Variants in STIM1 observed in about 807,000 individuals in gnomAD.
STIM1 encodes the protein stromal interaction molecule 1.
STIM1 carries 25 observed loss-of-function variants against 74.7 expected under a neutral mutation model. The observed-to-expected ratio is 0.33, with a 90% CI of 0.24 to 0.47. STIM1 has a LOEUF of 0.47. STIM1 is among the 20% of genes least tolerant of loss of function. The pLI, the probability that STIM1 is intolerant of heterozygous loss-of-function variation, is 1.00. For synonymous variants in STIM1, 328 were observed against 348.8 expected (o/e 0.94, Z 0.66); for missense variants, 728 against 920.8 (o/e 0.79, Z 2.71).
rs764751709 is a variant in STIM1, at chr11:4,074,689, T to G, written c.969+10T>G. The G allele has an allele frequency of 3.3e-5, 51 of 1,552,628 alleles. No homozygotes were observed. In the South Asian group the frequency reaches 5.5e-4, roughly 17 times the overall value. On this transcript the variant is annotated intron_variant, in intron 7 of 12. Transcript: ENST00000526596. The stretch of plus-strand genomic sequence containing the variant: ...GGAGGAGTTGGAGCAGGTAGGAGAG[T>G]CCACAAATTCCTGGACACCTTGACG...
chr11:3,902,661 C>A (rs574761646), intron 1 of STIM1, among the ~76,000 whole-genome samples: 6 of 152,336 alleles, frequency 3.9e-5, no homozygotes, highest in Non-Finnish European at 8.8e-5. Flanking sequence ...TGGTTCCTAA[C>A]AAGGCACGGA....
chr11:4,061,783 A>G (rs10835556), intron 5 of STIM1, among the ~76,000 whole-genome samples: 37,036 of 152,202 alleles, frequency 0.24, 5,611 homozygotes, highest in South Asian at 0.44. Flanking sequence ...ATTGTGGTGC[A>G]ATGGAATATT....
At chr11:3,927,900 G>T (rs2092807919) in intron 1 of STIM1, among the ~76,000 whole-genome samples, 2 of 152,200 alleles carry the variant, frequency 1.3e-5, no homozygotes, top group Non-Finnish European at 2.9e-5. Context: ...TAAGAACCCT[G>T]TGGATATAGC....
intron 1 of STIM1, among the ~76,000 whole-genome samples, chr11:3,898,982 C>G (rs10767691): frequency 6.7e-6 from 1 of 149,178 alleles, no homozygotes; most frequent in Non-Finnish European, 1.5e-5. Context: ...TGGCTTAGGA[C>G]TGACTTGGCG....
chr11:4,054,002 G>C (rs1470819034), intron 3 of STIM1, among the ~76,000 whole-genome samples: 8 of 152,328 alleles, frequency 5.3e-5, no homozygotes, highest in Admixed American at 1.3e-4. Context: ...GTAGGCACTA[G>C]CCACATCTAG....
At chr11:4,058,171 A>T (rs2094305472) in intron 4 of STIM1, among the ~76,000 whole-genome samples, 1 of 152,228 alleles carries the variant, frequency 6.6e-6, no homozygotes, top group African/African-American at 2.4e-5. Context: ...GGCTTGTAGG[A>T]AGCATCTGAT....
At chr11:3,997,034 G>C (rs1034228461) in intron 2 of STIM1, among the ~76,000 whole-genome samples, 3 of 152,192 alleles carry the variant, frequency 2.0e-5, no homozygotes, top group Non-Finnish European at 4.4e-5. Flanking sequence ...GGCTAGCTTG[G>C]ATACTTTGGT....
intron 3 of STIM1, among the ~76,000 whole-genome samples, chr11:4,030,056 G>A (rs751119469): frequency 3.9e-4 from 60 of 152,082 alleles, no homozygotes; most frequent in Non-Finnish European, 7.4e-4. Context: ...GGCCGGGTGC[G>A]GTGGCTCACG....
In STIM1 at chr11:4,037,560, G is replaced by A. The variant is rs564781678; in HGVS notation, c.385+13573G>A. Reference sequence around the variant, plus strand: ...TGCTTTATCCTTCGTGGTAATCTTTGCTCTGAAATCTACTTTGATAAAAAT... The same window carrying A: ...TGCTTTATCCTTCGTGGTAATCTTTACTCTGAAATCTACTTTGATAAAAAT... On this transcript the variant is annotated intron_variant, in intron 3 of 12. Coordinates refer to ENST00000526596, the MANE Select transcript of STIM1 (RefSeq NM_001382567.1). Among the ~76,000 whole-genome samples the A allele has an allele frequency of 2.6e-5, 4 of 152,238 alleles. No individual in the cohort carries two copies. In the East Asian group the frequency reaches 5.8e-4, roughly 22 times the overall value.
intron 3 of STIM1, among the ~76,000 whole-genome samples, chr11:4,034,802 G>T (rs937606992): frequency 6.6e-6 from 1 of 152,050 alleles, no homozygotes; most frequent in African/African-American, 2.4e-5. Flanking sequence ...ATAGGTATAA[G>T]GCTGTTCAGG....
chr11:3,970,493 T>TG (rs980406027), intron 2 of STIM1, among the ~76,000 whole-genome samples: 20 of 152,116 alleles, frequency 1.3e-4, no homozygotes, highest in African/African-American at 3.4e-4. Flanking sequence ...GTGTAATGGA[T>TG]GGTGGGGTAC....
Position 3,897,506 on chromosome 11 carries a change from AT to A in STIM1, c.139+41104del, listed in dbSNP as rs983431512. On this transcript the variant is annotated intron_variant, in intron 1 of 12. Coordinates refer to ENST00000526596, the MANE Select transcript of STIM1 (RefSeq NM_001382567.1). ...GCTTTTTGTTTGTTTGTTTGTTTTTATTTTTTTATTTTATTATTATTATACT... is the reference window on the plus strand; with the variant it reads ...GCTTTTTGTTTGTTTGTTTGTTTTTATTTTTTATTTTATTATTATTATACT... Among the ~76,000 whole-genome samples, 6 of 151,840 alleles carry A rather than the reference AT, an allele frequency of 4.0e-5. No individual in the cohort carries two copies. The East Asian group carries it at 5.8e-4, about 15-fold the overall frequency.
At chr11:3,993,317 A>G (rs900171392) in intron 2 of STIM1, among the ~76,000 whole-genome samples, 29 of 152,068 alleles carry the variant, frequency 1.9e-4, no homozygotes, top group African/African-American at 7.0e-4. Context: ...TGCCTGGACT[A>G]TTGTTTCCTT....
intron 1 of STIM1, among the ~76,000 whole-genome samples, chr11:3,966,747 C>G (rs74051576): frequency 0.014 from 2,154 of 152,228 alleles, 51 homozygotes; most frequent in African/African-American, 0.05. Flanking sequence ...TAGAGCTAAG[C>G]CTAGATTTCA....
At chr11:3,970,543 G>GTT (rs111602159) in intron 2 of STIM1, among the ~76,000 whole-genome samples, 6,637 of 145,738 alleles carry the variant, frequency 0.046, 471 homozygotes, top group African/African-American at 0.15. Flanking sequence ...GACCTGAAGG[G>GTT]TTTTTTTTTT....
intron 1 of STIM1, among the ~76,000 whole-genome samples, chr11:3,918,724 G>A (rs2092682306): frequency 6.6e-6 from 1 of 152,056 alleles, no homozygotes; most frequent in African/African-American, 2.4e-5. Context: ...GGAACCCAGG[G>A]GTCAGGGTCA....
At chr11:3,992,421 A>C (rs1297863565) in intron 2 of STIM1, among the ~76,000 whole-genome samples, 2 of 151,956 alleles carry the variant, frequency 1.3e-5, no homozygotes, top group Non-Finnish European at 2.9e-5. Context: ...CTCAAAAAAA[A>C]ATTTAAATAA....
chr11:3,923,702 C>G (rs1336814224), intron 1 of STIM1, among the ~76,000 whole-genome samples: 2 of 151,430 alleles, frequency 1.3e-5, no homozygotes, highest in Non-Finnish European at 2.9e-5. Context: ...TCCACACTCT[C>G]TATTCTAATT....
chr11:4,009,135 A>T (rs11500212), intron 2 of STIM1, among the ~76,000 whole-genome samples: 3 of 145,472 alleles, frequency 2.1e-5, no homozygotes, highest in African/African-American at 7.6e-5. Context: ...ACTAAAAATT[A>T]AAAAAAAAAA....
Sources: allele counts gnomAD v4.1 joint callset (sites outside exome capture counted in the v4.1 genomes callset), GRCh38; gene constraint gnomAD v4.1.1; transcripts MANE v1.5; gene names NCBI Gene and HGNC (gene_info 2026-07-23, HGNC 2026-07-21).